The following RAB38 variants were observed in gnomAD, a reference collection of about 807,000 sequenced individuals.
The protein encoded by RAB38 is ras-related protein Rab-38.
In RAB38, 15 loss-of-function variants were observed where a neutral mutation model predicts 18.4. That is an observed-to-expected ratio of 0.82 (90% CI 0.55 to 1.26). RAB38 has a LOEUF of 1.26. Among genes scored for constraint, RAB38 ranks in the 50% most tolerant of loss-of-function variants. The pLI, the probability that RAB38 is intolerant of heterozygous loss-of-function variation, is 0.00. For synonymous variants in RAB38, 101 were observed against 104.4 expected (o/e 0.97, Z 0.20); for missense variants, 294 against 267.4 (o/e 1.10, Z -0.69).
the RAB38 span, among the ~76,000 whole-genome samples, chr11:88,083,612 C>T: frequency 6.6e-6 from 1 of 151,864 alleles, no homozygotes; most frequent in African/African-American, 2.4e-5. Context: ...ACTTAATCTT[C>T]ATTTTGGTAG....
chr11:87,808,152 C>A, the RAB38 span, among the ~76,000 whole-genome samples: 3 of 152,032 alleles, frequency 2.0e-5, no homozygotes, highest in Non-Finnish European at 2.9e-5. Context: ...TATGAAGATT[C>A]CTAAAAATAA....
intron 2 of RAB38, among the ~76,000 whole-genome samples, chr11:88,145,467 CAGTAGCT>C (rs1442019419): frequency 1.3e-5 from 2 of 152,090 alleles, no homozygotes; most frequent in Non-Finnish European, 2.9e-5. Context: ...TTAATGTTCA[CAGTAGCT>C]CTAGAAGGTG....
the RAB38 span, among the ~76,000 whole-genome samples, chr11:88,015,636 G>A: frequency 1.3e-5 from 2 of 152,108 alleles, no homozygotes; most frequent in African/African-American, 2.4e-5. Flanking sequence ...TCCAGGAGAG[G>A]AAAGTGAGTT....
chr11:87,877,461 T>A, the RAB38 span, among the ~76,000 whole-genome samples: 1 of 151,540 alleles, frequency 6.6e-6, no homozygotes, highest in Non-Finnish European at 1.5e-5. Context: ...CCCACACCCA[T>A]GCTATCTCCT....
At chr11:88,092,616 A>G in the RAB38 span, among the ~76,000 whole-genome samples, 1 of 151,866 alleles carries the variant, frequency 6.6e-6, no homozygotes, top group African/African-American at 2.4e-5. Context: ...TCACATTTCA[A>G]TATGAGATTT....
the RAB38 span, among the ~76,000 whole-genome samples, chr11:87,926,516 G>T: frequency 1.2e-4 from 13 of 111,408 alleles, no homozygotes; most frequent in African/African-American, 3.3e-4. Flanking sequence ...TGGTTTTTTT[G>T]TTTGTTTGTT....
chr11:87,932,729 C>T, the RAB38 span, among the ~76,000 whole-genome samples: 1 of 152,068 alleles, frequency 6.6e-6, no homozygotes, highest in African/African-American at 2.4e-5. Flanking sequence ...TGTGTAAGTA[C>T]AGCTGCAGCT....
At chr11:87,971,444 G>C in the RAB38 span, among the ~76,000 whole-genome samples, 3 of 152,128 alleles carry the variant, frequency 2.0e-5, no homozygotes, top group Non-Finnish European at 4.4e-5. Context: ...CCACTAATAT[G>C]TCTGCAAATT....
intron 2 of RAB38, among the ~76,000 whole-genome samples, chr11:88,136,152 C>G (rs1419737884): frequency 6.6e-6 from 1 of 152,192 alleles, no homozygotes; most frequent in Non-Finnish European, 1.5e-5. Context: ...GCTAACCCAG[C>G]CTTTGAGCAC....
At chr11:88,094,047 C>G in the RAB38 span, among the ~76,000 whole-genome samples, 1 of 151,968 alleles carries the variant, frequency 6.6e-6, no homozygotes, top group East Asian at 2.0e-4. Context: ...TGTTTTCTGT[C>G]TTTCCCTGGG....
At chr11:87,886,229 C>T in the RAB38 span, among the ~76,000 whole-genome samples, 3 of 151,926 alleles carry the variant, frequency 2.0e-5, no homozygotes, top group Admixed American at 6.6e-5. Context: ...ATTCCTTTGA[C>T]TCCGCCGGAC....
At chr11:87,882,289 A>T in the RAB38 span, among the ~76,000 whole-genome samples, 1 of 151,896 alleles carries the variant, frequency 6.6e-6, no homozygotes, top group African/African-American at 2.4e-5. Context: ...TGAATCTAGC[A>T]TATTGCCTGT....
intron 1 of RAB38, chr11:88,166,306 A>C (rs1353797210): frequency 1.3e-5 from 2 of 152,160 alleles, no homozygotes; most frequent in Non-Finnish European, 2.9e-5. Flanking sequence ...CACTGCACGA[A>C]CTTCCACAGG....
chr11:87,828,599 GTTC>G, the RAB38 span, among the ~76,000 whole-genome samples: 1 of 152,126 alleles, frequency 6.6e-6, no homozygotes, highest in African/African-American at 2.4e-5. Context: ...AGGTAACTAG[GTTC>G]TTCTTGCTCA....
Position 88,164,538 on chromosome 11 carries a change from G to C in RAB38, c.202+10645C>G, listed in dbSNP as rs140487016. Among the ~76,000 whole-genome samples, 1,478 of 152,248 alleles carry C rather than the reference G, an allele frequency of 9.7e-3. 29 individuals are homozygous for C. Among genetic ancestry groups the C allele is most frequent in the African/African-American group, 0.033 (1,376 of 41,538 alleles). On this transcript the variant is annotated intron_variant, in intron 1 of 2. Transcript: ENST00000243662. ...CATCCACTCCGGCTCAAAGGTTTGA[G>C]AGGGTGTTTCATGACCAAAGCCATA...
the RAB38 span, among the ~76,000 whole-genome samples, chr11:88,080,988 CAAAT>C: frequency 6.6e-6 from 1 of 151,676 alleles, no homozygotes; most frequent in Admixed American, 6.6e-5. Flanking sequence ...AACAAACAAA[CAAAT>C]AAAAGTTGGA....
At chr11:88,048,140 C>A in the RAB38 span, among the ~76,000 whole-genome samples, 1 of 152,104 alleles carries the variant, frequency 6.6e-6, no homozygotes, top group East Asian at 1.9e-4. Flanking sequence ...TTTGCCCCCA[C>A]CCAGGACTGG....
chr11:88,089,672 T>C, the RAB38 span, among the ~76,000 whole-genome samples: 8 of 152,056 alleles, frequency 5.3e-5, 1 homozygote, highest in South Asian at 1.7e-3. Flanking sequence ...TTAAAGAACA[T>C]GATCAACTTA....
At chr11:87,930,458 G>A in the RAB38 span, among the ~76,000 whole-genome samples, 1 of 152,120 alleles carries the variant, frequency 6.6e-6, no homozygotes, top group Non-Finnish European at 1.5e-5. Context: ...GTAGATTCTG[G>A]ATATTAGCCC....
Sources: allele counts gnomAD v4.1 joint callset (sites outside exome capture counted in the v4.1 genomes callset), GRCh38; gene constraint gnomAD v4.1.1; transcripts MANE v1.5; gene names NCBI Gene and HGNC (gene_info 2026-07-23, HGNC 2026-07-21).